The following TM2D1 variants were observed in gnomAD, a reference collection of about 807,000 sequenced individuals.
TM2D1 encodes the protein TM2 domain-containing protein 1.
A neutral mutation model predicts 28.4 loss-of-function variants in TM2D1; 15 were observed. The ratio of observed to expected loss-of-function variants is 0.53; its 90% CI spans 0.35 to 0.81. The LOEUF (loss-of-function observed/expected upper bound fraction) is 0.81, where lower values mean the gene tolerates loss of function less well. Ranked by LOEUF, TM2D1 falls within the 40% of genes least tolerant of loss-of-function variation. The probability of loss-of-function intolerance (pLI) is 0.01; values close to 1 mark genes in which losing one functional copy is unlikely to be tolerated. For missense variants in TM2D1, 236 were observed against 254.9 expected (o/e 0.93, Z 0.50); for synonymous variants, 93 against 96.2 (o/e 0.97, Z 0.20).
At chr1:61,708,959 G>C (rs1447811204) in intron 3 of TM2D1, among the ~76,000 whole-genome samples, 1 of 152,052 alleles carries the variant, frequency 6.6e-6, no homozygotes, top group Non-Finnish European at 1.5e-5. Flanking sequence ...CAGGCCAGGA[G>C]TTCGAGACCA....
At chr1:61,691,932 A>AAAAAAATAT in intron 5 of TM2D1, among the ~76,000 whole-genome samples, 10 of 76,412 alleles carry the variant, frequency 1.3e-4, no homozygotes, top group East Asian at 4.7e-4. Flanking sequence ...AAAAAAAAAA[A>AAAAAAATAT]ATATATATAT....
At chr1:61,714,324 C>G (rs1404607076) in intron 2 of TM2D1, among the ~76,000 whole-genome samples, 10 of 151,740 alleles carry the variant, frequency 6.6e-5, no homozygotes, top group Admixed American at 5.9e-4. Context: ...GGGTGGATCA[C>G]CAGGTCAGGA....
intron 6 of TM2D1, among the ~76,000 whole-genome samples, chr1:61,681,961 T>A (rs1366765205): frequency 6.6e-6 from 1 of 152,204 alleles, no homozygotes. Context: ...CTAAGCTTTA[T>A]TCTAATTTTA....
intron 3 of TM2D1, among the ~76,000 whole-genome samples, chr1:61,701,566 TG>T (rs1445421122): frequency 6.6e-5 from 10 of 151,424 alleles, no homozygotes; most frequent in Non-Finnish European, 1.2e-4. Flanking sequence ...CGTGTGTGTG[TG>T]TGTGTGTGTG....
rs1054213698 is a variant in TM2D1 at position 61,724,771 on chromosome 1, G to A, written c.164+186C>T. On this transcript the variant is annotated intron_variant, in intron 1 of 6. Coordinates refer to ENST00000606498, the MANE Select transcript of TM2D1 (RefSeq NM_032027.3). ...AGTAAAATCATAAGGAAATCACAAA[G>A]GGTGGCCTCTGGCCCTCCCATCTCC... 2.9e-5 allele frequency: 16 copies of A among 546,158 alleles called. 1 individual carries two copies. The highest frequency in any genetic ancestry group is 4.7e-5 in the Non-Finnish European group (16 of 340,920). 33.8% of individuals were successfully genotyped at this position (546,158 alleles called of 1,614,324 possible).
chr1:61,690,401 G>T (rs1453760510), intron 5 of TM2D1, among the ~76,000 whole-genome samples: 3 of 134,676 alleles, frequency 2.2e-5, no homozygotes, highest in Non-Finnish European at 4.6e-5. Context: ...AGATTACAGT[G>T]AGCCGAGATT....
intron 5 of TM2D1, among the ~76,000 whole-genome samples, chr1:61,686,438 C>T (rs1055694384): frequency 6.6e-6 from 1 of 151,952 alleles, no homozygotes; most frequent in African/African-American, 2.4e-5. Flanking sequence ...GGGAGGATTG[C>T]TTGAGGCCAG....
At position 61,710,495 on chromosome 1, in the gene TM2D1, T is replaced by TAC. The variant is rs1327083759; in HGVS notation, c.239-1060_239-1059dup. Among the ~76,000 whole-genome samples the TAC allele has an allele frequency of 5.3e-3, 430 of 81,588 alleles. 4 individuals carry two copies. Among genetic ancestry groups the TAC allele is most frequent in the African/African-American group, 0.023 (413 of 18,044 alleles). 53.5% of individuals were successfully genotyped at this position (81,588 alleles called of 152,430 possible). ...ATATATACACACACACACACACATA[T>TAC]ACACACATACACACACACACACACA... On this transcript the variant is annotated intron_variant, in intron 2 of 6. Coordinates refer to ENST00000606498, the MANE Select transcript of TM2D1 (RefSeq NM_032027.3).
intron 2 of TM2D1, among the ~76,000 whole-genome samples, chr1:61,714,712 G>C (rs915789260): frequency 6.6e-6 from 1 of 152,112 alleles, no homozygotes; most frequent in Non-Finnish European, 1.5e-5. Context: ...GTGCCACCAA[G>C]CCTGGCTAAT....
intron 2 of TM2D1, 63 bp downstream of exon 2, chr1:61,723,646 TCATA>T (rs1245454001): frequency 1.3e-6 from 1 of 789,356 alleles, no homozygotes; most frequent in East Asian, 2.8e-5. Context: ...CCTTTAGTGA[TCATA>T]CATTGACCTA....
At chr1:61,691,982 T>C (rs1231852794) in intron 5 of TM2D1, among the ~76,000 whole-genome samples, 3 of 121,598 alleles carry the variant, frequency 2.5e-5, no homozygotes, top group African/African-American at 8.8e-5. Context: ...TGGCACAAAA[T>C]AATGAGTGTC....
chr1:61,705,756 C>G (rs1481786404), intron 3 of TM2D1, among the ~76,000 whole-genome samples: 1 of 152,008 alleles, frequency 6.6e-6, no homozygotes, highest in Admixed American at 6.6e-5. Flanking sequence ...CAACTATGGC[C>G]TCACCACCAC....
intron 6 of TM2D1, among the ~76,000 whole-genome samples, chr1:61,683,086 G>A: frequency 6.6e-6 from 1 of 151,964 alleles, no homozygotes; most frequent in East Asian, 1.9e-4. Context: ...TTAGAGGGAT[G>A]GGCAGCAGAA....
chr1:61,711,146 TG>T (rs532404734), intron 2 of TM2D1, among the ~76,000 whole-genome samples: 32 of 152,100 alleles, frequency 2.1e-4, no homozygotes, highest in Admixed American at 2.0e-3. Flanking sequence ...GACACCAGCC[TG>T]GGCAACATGG....
chr1:61,693,193 A>G (rs1229325891), intron 5 of TM2D1, among the ~76,000 whole-genome samples: 2 of 152,180 alleles, frequency 1.3e-5, no homozygotes, highest in Non-Finnish European at 1.5e-5. Flanking sequence ...ATCTGAGATC[A>G]CACCACTGCA....
chr1:61,691,098 C>T (rs757289854), intron 5 of TM2D1, among the ~76,000 whole-genome samples: 6 of 152,178 alleles, frequency 3.9e-5, no homozygotes, highest in African/African-American at 2.4e-5. Context: ...TTTCCCTCCA[C>T]ATATCCTCAT....
intron 3 of TM2D1, among the ~76,000 whole-genome samples, chr1:61,701,310 C>CAAAAAAAAAAAAAAAAA (rs10587870): frequency 3.6e-5 from 3 of 84,042 alleles, no homozygotes; most frequent in Non-Finnish European, 6.6e-5. Context: ...TAAATGTTAA[C>CAAAAAAAAAAAAAAAAA]AAAAAAAAAA....
chr1:61,690,099 G>A (rs1644312800), intron 5 of TM2D1, among the ~76,000 whole-genome samples: 1 of 152,140 alleles, frequency 6.6e-6, no homozygotes, highest in Non-Finnish European at 1.5e-5. Context: ...GAACCTGCTG[G>A]TGTCTTGATA....
At chr1:61,693,774 G>A (rs1283066007) in intron 5 of TM2D1, among the ~76,000 whole-genome samples, 1 of 152,154 alleles carries the variant, frequency 6.6e-6, no homozygotes, top group Non-Finnish European at 1.5e-5. Flanking sequence ...ATATGAGAAA[G>A]CAGAGCAAAA....
Sources: gnomAD v4.1 joint callset for allele counts (sites outside exome capture counted in the v4.1 genomes callset) on GRCh38, gnomAD v4.1.1 for gene constraint, MANE v1.5 for transcripts, NCBI Gene and HGNC (gene_info 2026-07-23, HGNC 2026-07-21) for gene names.